The following MEST variants were observed in gnomAD, a reference collection of about 807,000 sequenced individuals.
MEST encodes mesoderm-specific transcript homolog protein.
In MEST, 18 loss-of-function variants were observed where a neutral mutation model predicts 50.9. The ratio of observed to expected loss-of-function variants is 0.35; its 90% CI spans 0.24 to 0.52. The LOEUF (loss-of-function observed/expected upper bound fraction) is 0.52. Among genes scored for constraint, MEST ranks in the 20% least tolerant of loss-of-function variants. The pLI, the probability that MEST is intolerant of heterozygous loss-of-function variation, is 0.94. For synonymous variants in MEST, 130 were observed against 154.1 expected (o/e 0.84, Z 1.16); for missense variants, 282 against 425.3 (o/e 0.66, Z 2.96).
chr7:130,491,363 C>G (rs1232337410), upstream of MEST: 1 of 152,368 alleles, frequency 6.6e-6, no homozygotes, highest in African/African-American at 2.4e-5. This position sits in a 1 kb window ranked among gnomAD's most constrained non-coding sequence, Gnocchi z 6.8. Flanking sequence ...GGCATGCTGA[C>G]CACGTCGCGC....
upstream of MEST, chr7:130,489,395 A>T (rs62473497): frequency 6.6e-3 from 1,004 of 152,380 alleles, 4 homozygotes; most frequent in Non-Finnish European, 8.3e-3. Context: ...CTTTGAATTT[A>T]TGTGTGGCTG....
At position 130,500,782 on chromosome 7, in the gene MEST, C is replaced by T. The variant is rs1276840491; in HGVS notation, c.648-7C>T. Reference sequence around the variant, plus strand: ...CACTTATCTTCCTGCGTTTTGGACTCTTTCAGTCTCACCCCAGTCTTTGGG... The same window carrying T: ...CACTTATCTTCCTGCGTTTTGGACTTTTTCAGTCTCACCCCAGTCTTTGGG... On this transcript the variant is annotated splice_region_variant and splice_polypyrimidine_tract_variant and intron_variant, in intron 8 of 11. Transcript: ENST00000223215. This position sits in a 1 kb window ranked among gnomAD's most constrained non-coding sequence, Gnocchi z 5.0. 1 of 1,605,538 alleles carries T rather than the reference C, an allele frequency of 6.2e-7. No homozygotes were observed. Among genetic ancestry groups the T allele is most frequent in the African/African-American group, 1.3e-5 (1 of 74,424 alleles).
rs1195107035 is a variant in MEST, at chr7:130,506,451, C to T, written c.*1395C>T. 1 of 293,798 alleles carries T rather than the reference C, an allele frequency of 3.4e-6. No individual in the cohort carries two copies. Among genetic ancestry groups the T allele is most frequent in the African/African-American group, 2.3e-5 (1 of 43,866 alleles). The allele number at this position is 293,798 out of a possible 1,614,324, so 18.2% of individuals were successfully genotyped here. On this transcript the variant is annotated 3_prime_UTR_variant, in exon 12 of 12. Coordinates refer to ENST00000223215, the MANE Select transcript of MEST (RefSeq NM_002402.4). Reference sequence around the variant, plus strand: ...ATTTTCAAGATCACCCAAAGCTGCACTATCGTCCCAAAGCTGACCAAGTAG... The same window carrying T: ...ATTTTCAAGATCACCCAAAGCTGCATTATCGTCCCAAAGCTGACCAAGTAG...
chr7:130,500,954 G>A lies in MEST; in HGVS notation c.749+64G>A. 1 of 1,406,058 alleles carries A rather than the reference G, an allele frequency of 7.1e-7. No homozygotes were observed. The highest frequency in any genetic ancestry group is 9.9e-7 in the Non-Finnish European group (1 of 1,008,744). The allele number at this position is 1,406,058 out of a possible 1,614,324, so 87.1% of individuals were successfully genotyped here. On this transcript the variant is annotated intron_variant, in intron 9 of 11. Transcript: ENST00000223215. This position sits in a 1 kb window ranked among gnomAD's most constrained non-coding sequence, Gnocchi z 5.0. The stretch of plus-strand genomic sequence containing the variant: ...TTTTTGTGGAGAGTGGGGATTGCTT[G>A]TTCTGTTCCTTGCTGGCTTATTCCC...
chr7:130,497,509 A>G lies in MEST; in HGVS notation c.261+274A>G, dbSNP rs1294901850. The G allele has an allele frequency of 1.1e-5, 3 of 278,738 alleles. No homozygotes were observed. Among genetic ancestry groups the G allele is most frequent in the Non-Finnish European group, 2.0e-5 (3 of 147,982 alleles). 17.3% of individuals were successfully genotyped at this position (278,738 alleles called of 1,614,324 possible). On this transcript the variant is annotated intron_variant, in intron 3 of 11. Transcript: ENST00000223215. This position sits in a 1 kb window ranked among gnomAD's most constrained non-coding sequence, Gnocchi z 4.0. Reference sequence around the variant, plus strand: ...GAGGCAGAGGTTGCAGTGAGCTGAGATTGCACCACTGCACTTCAGCCTAGG... The same window carrying G: ...GAGGCAGAGGTTGCAGTGAGCTGAGGTTGCACCACTGCACTTCAGCCTAGG...
rs143001184 is a variant in MEST, at chr7:130,504,491, C to A, written c.891-448C>A. Reference sequence around the variant, plus strand: ...TATGTCACATAAGAATGTTCCATACCTTCCTGTGGCCTACTGGATACAAGC... The same window carrying A: ...TATGTCACATAAGAATGTTCCATACATTCCTGTGGCCTACTGGATACAAGC... On this transcript the variant is annotated intron_variant, in intron 11 of 11. Coordinates refer to ENST00000223215, the MANE Select transcript of MEST (RefSeq NM_002402.4). Among the ~76,000 whole-genome samples, 226 of 152,232 alleles carry A rather than the reference C, an allele frequency of 1.5e-3. 2 individuals are homozygous for A. The highest frequency in any genetic ancestry group is 5.1e-3 in the African/African-American group (213 of 41,538).
rs782614949 is a variant in MEST at position 130,500,810 on chromosome 7, G to A, written c.669G>A (p.Pro223=). 1.4e-5 allele frequency: 23 copies of A among 1,612,678 alleles called. No individual in the cohort carries two copies. Among genetic ancestry groups the A allele is most frequent in the Middle Eastern group, 3.3e-4 (2 of 6,056 alleles). The change falls in exon 9 of 12, where the codon CCG becomes CCA. Residue 223 remains proline, a synonymous_variant. Coordinates refer to ENST00000223215, the MANE Select transcript of MEST (RefSeq NM_002402.4). The surrounding 1 kb of genome is among the most constrained non-coding windows in gnomAD (Gnocchi z 5.0). ...TCAGTCTCACCCCAGTCTTTGGGCC[G>A]TATACTCGGCCCTCTGAGAGTGAGC... ...FSRGLTPVFG[P]YTRPSESELW...
intron 6 of MEST, 64 bp from the exon 7 acceptor site, chr7:130,499,811 C>T (rs1207104918): frequency 3.6e-6 from 5 of 1,379,144 alleles, no homozygotes; most frequent in South Asian, 1.3e-5. Flanking sequence ...AGTGAGATCC[C>T]GTCTCTATAA....
At chr7:130,502,850 TTAGA>T in intron 10 of MEST, 130 bp downstream of exon 10, 2 of 655,112 alleles carry the variant, frequency 3.1e-6, no homozygotes, top group Non-Finnish European at 5.2e-6. Context: ...AATTTGAATT[TTAGA>T]TAAACAACAA....
At position 130,500,020 on chromosome 7, in the gene MEST, C is replaced by T; in HGVS notation, c.576+105C>T. On this transcript the variant is annotated intron_variant, in intron 7 of 11. Transcript: ENST00000223215. This position sits in a 1 kb window ranked among gnomAD's most constrained non-coding sequence, Gnocchi z 5.0. ...CTCCTGTAACTGGCAGTAGTTAAAT[C>T]CTCTTCCTTGTGAATTTCTATTAAT... 1 of 944,188 alleles carries T rather than the reference C, an allele frequency of 1.1e-6. No individual in the cohort carries two copies. 58.5% of individuals were successfully genotyped at this position (944,188 alleles called of 1,614,324 possible).
upstream of MEST, chr7:130,491,238 A>G (rs1798798061): frequency 6.6e-6 from 1 of 152,290 alleles, no homozygotes; most frequent in African/African-American, 2.4e-5. This position sits in a 1 kb window ranked among gnomAD's most constrained non-coding sequence, Gnocchi z 6.8. Context: ...TTGTGATTCT[A>G]TCTTACGTAA....
In MEST at chr7:130,495,202, G is replaced by GATTTTTT. The variant is rs1798997647; in HGVS notation, c.27-165_27-164insTTTTTTA. ...AACAAATATGGTGAGTGCTATGGCAGACAGAGGTTTGATTATAGTCTCGGT... is the reference window on the plus strand; with the variant it reads ...AACAAATATGGTGAGTGCTATGGCAGATTTTTTACAGAGGTTTGATTATAGTCTCGGT... On this transcript the variant is annotated intron_variant, in intron 1 of 11. Transcript: ENST00000223215. The GATTTTTT allele has an allele frequency of 2.2e-5, 13 of 601,690 alleles. No homozygotes were observed. The South Asian group carries it at 3.7e-4, about 17-fold the overall frequency. The allele number at this position is 601,690 out of a possible 1,614,324, so 37.3% of individuals were successfully genotyped here. A position where few individuals can be genotyped will look rare whatever the true frequency, so the allele number is the denominator to read the frequency against.
intron 1 of MEST, chr7:130,493,335 CAG>C (rs1365245232): frequency 1.3e-5 from 2 of 152,108 alleles, no homozygotes; most frequent in Non-Finnish European, 2.9e-5. Flanking sequence ...AATCAAGGCT[CAG>C]AAATTTTTGG....
chr7:130,503,052 T>C (rs1799335924), intron 10 of MEST, among the ~76,000 whole-genome samples: 2 of 152,218 alleles, frequency 1.3e-5, no homozygotes, highest in Non-Finnish European at 2.9e-5. Context: ...GAGACATTAC[T>C]GTAAAGGTAG....
chr7:130,500,031 T>C lies in MEST; in HGVS notation c.576+116T>C. On this transcript the variant is annotated intron_variant, in intron 7 of 11. Coordinates refer to ENST00000223215, the MANE Select transcript of MEST (RefSeq NM_002402.4). The surrounding 1 kb of genome is among the most constrained non-coding windows in gnomAD (Gnocchi z 5.0). ...GGCAGTAGTTAAATCCTCTTCCTTGTGAATTTCTATTAATGAAGTTACTTT... is the reference window on the plus strand; with the variant it reads ...GGCAGTAGTTAAATCCTCTTCCTTGCGAATTTCTATTAATGAAGTTACTTT... The C allele has an allele frequency of 1.1e-6, 1 of 889,944 alleles. No homozygotes were observed. The allele number at this position is 889,944 out of a possible 1,614,324, so 55.1% of individuals were successfully genotyped here.
upstream of MEST, chr7:130,487,786 A>G (rs1178933682): frequency 6.6e-6 from 1 of 152,292 alleles, no homozygotes; most frequent in East Asian, 1.9e-4. Context: ...AGCTGGGACT[A>G]CAGGCACACA....
chr7:130,492,166 T>TGGCTGTAGCTGCCCGGCGC lies in MEST; in HGVS notation c.-144_-126dup, dbSNP rs1798843142. Reference sequence around the variant, plus strand: ...CGCAGTGCCGCAGCGCACGCCGGAGTGGCTGTAGCTGCCCGGCGCGGCGCC... The same window carrying TGGCTGTAGCTGCCCGGCGC: ...CGCAGTGCCGCAGCGCACGCCGGAGTGGCTGTAGCTGCCCGGCGCGGCTGTAGCTGCCCGGCGCGGCGCC... On this transcript the variant is annotated 5_prime_UTR_variant, in exon 1 of 12. Coordinates refer to ENST00000223215, the MANE Select transcript of MEST (RefSeq NM_002402.4). The surrounding 1 kb of genome is among the most constrained non-coding windows in gnomAD (Gnocchi z 7.6). 1 of 443,782 alleles carries TGGCTGTAGCTGCCCGGCGC rather than the reference T, an allele frequency of 2.3e-6. No homozygotes were observed. The highest frequency in any genetic ancestry group is 3.4e-6 in the Non-Finnish European group (1 of 291,906). 27.5% of individuals were successfully genotyped at this position (443,782 alleles called of 1,614,324 possible). A position where few individuals can be genotyped will look rare whatever the true frequency, so the allele number is the denominator to read the frequency against.
At chr7:130,498,616 T>C in intron 6 of MEST, 139 bp downstream of exon 6, 2 of 767,740 alleles carry the variant, frequency 2.6e-6, no homozygotes, top group Non-Finnish European at 4.4e-6. Context: ...TTCTGTGCCA[T>C]CAACTCCTTT....
At chr7:130,490,755 C>T (rs893896586), upstream of MEST, 8 of 152,228 alleles carry the variant, frequency 5.3e-5, no homozygotes, top group African/African-American at 7.2e-5. Context: ...TTCGCACCCC[C>T]GGTTCTTAGT....
Sources: gnomAD v4.1 joint callset for allele counts (sites outside exome capture counted in the v4.1 genomes callset) on GRCh38, gnomAD v4.1.1 for gene constraint, Gnocchi (gnomAD v3.1) non-coding constraint, MANE v1.5 for transcripts, NCBI Gene and HGNC (gene_info 2026-07-23, HGNC 2026-07-21) for gene names.